IFT43: variants seen among roughly 807,000 people sequenced by gnomAD.
The protein encoded by IFT43 is intraflagellar transport 43.
IFT43 carries 33 observed loss-of-function variants against 32.3 expected under a neutral mutation model. The observed-to-expected ratio is 1.02, with a 90% confidence interval of 0.77 to 1.37. IFT43 has a LOEUF of 1.37. IFT43 is among the 40% of genes most tolerant of loss of function. IFT43 has a pLI of 0.00. For synonymous variants in IFT43, 93 were observed against 98.2 expected (o/e 0.95, Z 0.31); for missense variants, 274 against 265.9 (o/e 1.03, Z -0.21).
chr14:76,034,524 T>G (rs1307234174), intron 3 of IFT43, among the ~76,000 whole-genome samples: 1 of 152,188 alleles, frequency 6.6e-6, no homozygotes, highest in African/African-American at 2.4e-5. Context: ...TTGGGTAGAT[T>G]CTGTTCAATA....
At chr14:76,000,050 C>T (rs1196738053) in intron 2 of IFT43, among the ~76,000 whole-genome samples, 1 of 152,172 alleles carries the variant, frequency 6.6e-6, no homozygotes, top group Non-Finnish European at 1.5e-5. Context: ...TCAACCAAGG[C>T]AGCATTCCCA....
intron 3 of IFT43, among the ~76,000 whole-genome samples, chr14:76,031,379 G>A (rs1264050091): frequency 6.6e-6 from 1 of 152,084 alleles, no homozygotes; most frequent in South Asian, 2.1e-4. Flanking sequence ...GTACTTACCC[G>A]AGTCTGCTTT....
intron 5 of IFT43, among the ~76,000 whole-genome samples, chr14:76,078,445 A>G (rs770394684): frequency 6.6e-6 from 1 of 152,236 alleles, no homozygotes; most frequent in Non-Finnish European, 1.5e-5. Context: ...CCATGAAGAC[A>G]GGGACCATGT....
At chr14:76,002,965 G>A (rs888491843) in intron 2 of IFT43, among the ~76,000 whole-genome samples, 14 of 152,334 alleles carry the variant, frequency 9.2e-5, no homozygotes, top group East Asian at 5.8e-4. Flanking sequence ...CTTAGAAACC[G>A]TAAGGTTGTG....
chr14:76,072,468 C>T (rs2037338620), intron 5 of IFT43, among the ~76,000 whole-genome samples: 1 of 152,174 alleles, frequency 6.6e-6, no homozygotes, highest in Admixed American at 6.5e-5. Flanking sequence ...ACGAACATCC[C>T]TGCTCAAAAC....
At chr14:76,019,681 T>C (rs1197722012) in intron 2 of IFT43, among the ~76,000 whole-genome samples, 1 of 152,176 alleles carries the variant, frequency 6.6e-6, no homozygotes, top group Non-Finnish European at 1.5e-5. Context: ...GCCCATCTCT[T>C]CTTCTGAGAC....
intron 2 of IFT43, among the ~76,000 whole-genome samples, chr14:75,999,277 A>ATTT (rs2035835306): frequency 5.3e-5 from 1 of 18,702 alleles, no homozygotes; most frequent in Admixed American, 6.9e-4. Context: ...ATATATGTAT[A>ATTT]TATATTTTTT....
At chr14:76,054,765 G>T (rs1159267686) in intron 3 of IFT43, among the ~76,000 whole-genome samples, 1 of 152,210 alleles carries the variant, frequency 6.6e-6, no homozygotes, top group Non-Finnish European at 1.5e-5. Flanking sequence ...AGGCTATACT[G>T]ATCTCAGCTC....
In IFT43 at chr14:76,083,267, C is replaced by T. The variant is rs371422510; in HGVS notation, c.485C>T (p.Ala162Val). 1.7e-5 allele frequency: 27 copies of T among 1,613,686 alleles called. No individual in the cohort carries two copies. Among genetic ancestry groups the T allele is most frequent in the East Asian group, 1.1e-4 (5 of 44,886 alleles). Reference sequence around the variant, plus strand: ...CTGAAACTCCTCACCAAAGTGCTCGCGCCGGAGCACGAAGTCCGGGAGGTA... The same window carrying T: ...CTGAAACTCCTCACCAAAGTGCTCGTGCCGGAGCACGAAGTCCGGGAGGTA... ...IDLKLLTKVL[A>V]PEHEVREDDV... The change falls in exon 8 of 9, where the codon GCG (alanine) becomes GTG (valine). Residue 162 changes from alanine to valine, a missense_variant. Transcript: ENST00000314067.
chr14:76,060,700 T>C (rs899991606), intron 5 of IFT43, among the ~76,000 whole-genome samples: 5 of 152,128 alleles, frequency 3.3e-5, no homozygotes, highest in Admixed American at 2.6e-4. Context: ...TGTCTGAAAA[T>C]GTCATCTTCA....
chr14:76,020,069 G>T (rs1000515901), intron 2 of IFT43, among the ~76,000 whole-genome samples: 1 of 151,918 alleles, frequency 6.6e-6, no homozygotes, highest in Non-Finnish European at 1.5e-5. Context: ...CTGACTTCCT[G>T]GTTCAAGTGA....
intron 3 of IFT43, among the ~76,000 whole-genome samples, chr14:76,047,080 A>G (rs2036820792): frequency 6.6e-6 from 1 of 152,354 alleles, no homozygotes; most frequent in East Asian, 1.9e-4. Flanking sequence ...GACTAATCCC[A>G]TCCCTGAGGG....
chr14:76,048,941 G>A (rs1322753177), intron 3 of IFT43, among the ~76,000 whole-genome samples: 3 of 152,322 alleles, frequency 2.0e-5, no homozygotes, highest in Middle Eastern at 3.4e-3. Context: ...ACTTGGGTGA[G>A]TCTCAGTGTA....
intron 3 of IFT43, among the ~76,000 whole-genome samples, chr14:76,037,388 G>GT (rs2036621017): frequency 6.6e-6 from 1 of 152,182 alleles, no homozygotes. Flanking sequence ...CCCTCTCATG[G>GT]TTGTAGCATC....
At chr14:76,025,941 T>C (rs1197845270) in intron 3 of IFT43, among the ~76,000 whole-genome samples, 2 of 152,082 alleles carry the variant, frequency 1.3e-5, no homozygotes, top group African/African-American at 4.8e-5. Flanking sequence ...AAGCAAAAAT[T>C]GACAAATGGG....
intron 3 of IFT43, among the ~76,000 whole-genome samples, chr14:76,049,318 AT>A (rs2036867738): frequency 6.6e-6 from 1 of 152,138 alleles, no homozygotes; most frequent in African/African-American, 2.4e-5. Context: ...AAAAGTCTCC[AT>A]TTACAGCCAG....
At chr14:76,000,097 C>T (rs539164947) in intron 2 of IFT43, among the ~76,000 whole-genome samples, 1 of 152,286 alleles carries the variant, frequency 6.6e-6, no homozygotes, top group South Asian at 2.1e-4. Context: ...AACAGTTTTA[C>T]ATTTTTACAG....
intron 5 of IFT43, among the ~76,000 whole-genome samples, chr14:76,073,113 A>G (rs990680211): frequency 9.9e-5 from 15 of 152,042 alleles, no homozygotes; most frequent in Non-Finnish European, 5.9e-5. Context: ...GGACTATACA[A>G]AGAAAAGGCA....
intron 5 of IFT43, 123 bp from the exon 6 acceptor site, chr14:76,082,172 T>C: frequency 2.3e-6 from 2 of 859,444 alleles, no homozygotes; most frequent in Non-Finnish European, 4.0e-6. Context: ...TATCTGAGTG[T>C]CCTTCCTGCC....
Sources: gnomAD v4.1 joint callset for allele counts (sites outside exome capture counted in the v4.1 genomes callset) on GRCh38, gnomAD v4.1.1 for gene constraint, MANE v1.5 for transcripts, NCBI Gene and HGNC (gene_info 2026-07-23, HGNC 2026-07-21) for gene names.